SLC38A12: variants seen among roughly 807,000 people sequenced by gnomAD.
SLC38A12 encodes solute carrier family 38 member 12.
chr17:74,821,677 CAGA>C, the SLC38A12 span, among the ~76,000 whole-genome samples: 2 of 152,228 alleles, frequency 1.3e-5, no homozygotes, highest in Non-Finnish European at 2.9e-5. Context: ...CTGGTGGTCT[CAGA>C]AGAAGGAGTT....
chr17:74,836,601 T>C, the SLC38A12 span: 1 of 1,613,284 alleles, frequency 6.2e-7, no homozygotes, highest in Non-Finnish European at 8.5e-7. The surrounding 1 kb of genome is among the most constrained non-coding windows in gnomAD (Gnocchi z 4.2). Context: ...CCGCCACACC[T>C]TCTGGGTGGG....
the SLC38A12 span, chr17:74,776,624 G>C: frequency 6.9e-6 from 1 of 144,028 alleles, no homozygotes; most frequent in Non-Finnish European, 1.6e-5. Flanking sequence ...GACGAGACGG[G>C]TCGGGATAGG....
chr17:74,785,605 T>G, the SLC38A12 span: 7 of 1,612,670 alleles, frequency 4.3e-6, no homozygotes, highest in Non-Finnish European at 5.1e-6. Context: ...CTTCATGAGG[T>G]GAGAGGCAGC....
chr17:74,825,604 T>G, the SLC38A12 span, among the ~76,000 whole-genome samples: 2 of 152,202 alleles, frequency 1.3e-5, no homozygotes, highest in African/African-American at 4.8e-5. Context: ...TCTAGCAGCC[T>G]TTGTTATCAG....
At chr17:74,787,598 C>T in the SLC38A12 span, among the ~76,000 whole-genome samples, 3 of 147,080 alleles carry the variant, frequency 2.0e-5, no homozygotes, top group Admixed American at 2.0e-4. Context: ...GTCCGCAGTC[C>T]GGCCTGGGCG....
chr17:74,805,718 G>A, the SLC38A12 span, among the ~76,000 whole-genome samples: 1 of 152,232 alleles, frequency 6.6e-6, no homozygotes, highest in Non-Finnish European at 1.5e-5. This position sits in a 1 kb window ranked among gnomAD's most constrained non-coding sequence, Gnocchi z 5.0. Flanking sequence ...GGGCACCCGT[G>A]TTCTGGGCAC....
chr17:74,833,078 C>G, the SLC38A12 span, among the ~76,000 whole-genome samples: 1 of 152,182 alleles, frequency 6.6e-6, no homozygotes, highest in African/African-American at 2.4e-5. Context: ...GGCTGAAGTG[C>G]AGTGGCACAA....
At chr17:74,786,750 A>G in the SLC38A12 span, among the ~76,000 whole-genome samples, 3 of 152,120 alleles carry the variant, frequency 2.0e-5, no homozygotes, top group Admixed American at 2.0e-4. Flanking sequence ...TTCTTCATGC[A>G]TTTCTTTTGG....
chr17:74,810,661 G>A, the SLC38A12 span, among the ~76,000 whole-genome samples: 1 of 152,202 alleles, frequency 6.6e-6, no homozygotes, highest in South Asian at 2.1e-4. Flanking sequence ...CCAGTCTCTG[G>A]GTCAGCCCAT....
the SLC38A12 span, among the ~76,000 whole-genome samples, chr17:74,835,653 G>A: frequency 6.6e-6 from 1 of 152,080 alleles, no homozygotes; most frequent in Non-Finnish European, 1.5e-5. Context: ...TGCAAAGCCG[G>A]ACCACCCTGC....
At chr17:74,824,900 T>C in the SLC38A12 span, among the ~76,000 whole-genome samples, 17 of 152,140 alleles carry the variant, frequency 1.1e-4, no homozygotes, top group African/African-American at 3.9e-4. Context: ...TGGTGGCAGG[T>C]GAGGCCCCCA....
the SLC38A12 span, chr17:74,838,961 T>TAA: frequency 7.8e-6 from 12 of 1,535,658 alleles, no homozygotes; most frequent in Non-Finnish European, 1.0e-5. Flanking sequence ...CAGGTGTCGT[T>TAA]GTGGAGGAAA....
chr17:74,781,671 C>T, the SLC38A12 span, among the ~76,000 whole-genome samples: 1 of 152,152 alleles, frequency 6.6e-6, no homozygotes, highest in African/African-American at 2.4e-5. Flanking sequence ...TTTTTCCCTT[C>T]ATAAGTATTA....
the SLC38A12 span, among the ~76,000 whole-genome samples, chr17:74,798,963 C>T: frequency 6.6e-6 from 1 of 152,166 alleles, no homozygotes; most frequent in Non-Finnish European, 1.5e-5. Flanking sequence ...GATAGGATTG[C>T]GTATGAACCA....
chr17:74,814,845 TG>T, the SLC38A12 span, among the ~76,000 whole-genome samples: 1 of 152,220 alleles, frequency 6.6e-6, no homozygotes, highest in Non-Finnish European at 1.5e-5. Context: ...GGTTACACTC[TG>T]CTGGGGACAC....
chr17:74,789,084 C>G, the SLC38A12 span, among the ~76,000 whole-genome samples: 1 of 152,218 alleles, frequency 6.6e-6, no homozygotes, highest in African/African-American at 2.4e-5. Context: ...GCCTCAGGCC[C>G]TCCTACCCAC....
chr17:74,839,308 G>T, the SLC38A12 span: 37 of 878,882 alleles, frequency 4.2e-5, no homozygotes, highest in Middle Eastern at 1.1e-3. Context: ...ACAGGCAAAG[G>T]CCAGAGTCAG....
At chr17:74,825,596 T>C in the SLC38A12 span, among the ~76,000 whole-genome samples, 1 of 152,350 alleles carries the variant, frequency 6.6e-6, no homozygotes, top group East Asian at 1.9e-4. Context: ...ACCTCTCCTC[T>C]AGCAGCCTTT....
the SLC38A12 span, among the ~76,000 whole-genome samples, chr17:74,832,904 CA>C: frequency 1.2e-4 from 18 of 152,344 alleles, no homozygotes; most frequent in Admixed American, 1.1e-3. Flanking sequence ...TTAAGACAAT[CA>C]AAAGAATGAA....
Sources: gnomAD v4.1 joint callset for allele counts (sites outside exome capture counted in the v4.1 genomes callset) on GRCh38, gnomAD v4.1.1 for gene constraint, Gnocchi (gnomAD v3.1) non-coding constraint, MANE v1.5 for transcripts, NCBI Gene and HGNC (gene_info 2026-07-23, HGNC 2026-07-21) for gene names.